Variants in ERICH3 observed in about 807,000 individuals in gnomAD.
ERICH3 encodes glutamate-rich protein 3.
In ERICH3, 126 loss-of-function variants were observed where a neutral mutation model predicts 131.1. The ratio of observed to expected loss-of-function variants is 0.96; its 90% CI spans 0.83 to 1.11. The LOEUF is 1.11. Ranked by LOEUF, ERICH3 falls within the 50% of genes most tolerant of loss-of-function variation. The pLI is 0.00. For missense variants in ERICH3, 2,050 were observed against 1,810.7 expected, an observed-to-expected ratio of 1.13 and a Z score of -2.40; for synonymous variants, 695 against 644.6, an observed-to-expected ratio of 1.08 and a Z score of -1.18.
chr1:74,632,303 T>C (rs926065239), intron 6 of ERICH3, among the ~76,000 whole-genome samples: 9 of 152,088 alleles, frequency 5.9e-5, no homozygotes, highest in African/African-American at 2.2e-4. Flanking sequence ...TTTTTTCATA[T>C]TCTTATTTCA....
chr1:74,665,954 A>C (rs1323309645), intron 1 of ERICH3, among the ~76,000 whole-genome samples: 1 of 152,174 alleles, frequency 6.6e-6, no homozygotes, highest in African/African-American at 2.4e-5. Flanking sequence ...ATTTAGACAG[A>C]AGAAATAAGG....
chr1:74,601,630 T>C (rs1409242059), intron 10 of ERICH3, among the ~76,000 whole-genome samples: 1 of 151,696 alleles, frequency 6.6e-6, no homozygotes, highest in Non-Finnish European at 1.5e-5. Context: ...AAGAGGAAGG[T>C]AAGGTTAGCT....
In ERICH3 at chr1:74,606,840, CTCT is replaced by C; in HGVS notation, c.1247_1249del (p.Lys416del). ...CTTCAGTTCCTCTCCTTTCTCAGTG[CTCT>C]TTTCTTTCCTAGATTTCGGCAAAGA... On this transcript the variant is annotated inframe_deletion, in exon 10 of 15. Transcript: ENST00000326665. The C allele has an allele frequency of 1.9e-6, 3 of 1,612,958 alleles. No individual in the cohort carries two copies. The highest frequency in any genetic ancestry group is 2.5e-6 in the Non-Finnish European group (3 of 1,179,386).
At chr1:74,667,472 G>A (rs1306745867) in intron 1 of ERICH3, among the ~76,000 whole-genome samples, 1 of 152,132 alleles carries the variant, frequency 6.6e-6, no homozygotes, top group East Asian at 1.9e-4. Flanking sequence ...CTCTTGGTCT[G>A]TACCAAAATG....
At chr1:74,580,932 G>A (rs544106367) in intron 12 of ERICH3, among the ~76,000 whole-genome samples, 6 of 152,124 alleles carry the variant, frequency 3.9e-5, no homozygotes, top group South Asian at 4.2e-4. Context: ...CACTTTCCCC[G>A]CCTGGTAGTC....
intron 12 of ERICH3, among the ~76,000 whole-genome samples, chr1:74,579,020 G>GT (rs1227683949): frequency 6.6e-6 from 1 of 152,006 alleles, no homozygotes; most frequent in Non-Finnish European, 1.5e-5. Flanking sequence ...TATAACAAAA[G>GT]TTTTTTACAA....
At chr1:74,643,909 A>G (rs1646458173) in intron 3 of ERICH3, among the ~76,000 whole-genome samples, 1 of 152,128 alleles carries the variant, frequency 6.6e-6, no homozygotes, top group South Asian at 2.1e-4. Context: ...ATGAATAGAA[A>G]AGAGACTAGA....
rs1263126742 is a variant in ERICH3 at position 74,571,120 on chromosome 1, G to T, written c.4590C>A (p.Val1530=). The T allele has an allele frequency of 6.2e-7, 1 of 1,612,676 alleles. No individual in the cohort carries two copies. Among genetic ancestry groups the T allele is most frequent in the East Asian group, 2.2e-5 (1 of 44,850 alleles). ...TCACTGTCTGCCAGCAAGTCTCCTAGACCTGCACGTTGTTGGGGGAAACAT... is the reference window on the plus strand; with the variant it reads ...TCACTGTCTGCCAGCAAGTCTCCTATACCTGCACGTTGTTGGGGGAAACAT... The part of the protein sequence containing the change: ...TADVSPNNVQ[V] The change falls in exon 14 of 15, where the codon GTC becomes GTA. Residue 1530 remains valine, a synonymous_variant. Transcript: ENST00000326665.
At chr1:74,615,182 C>T (rs1489033558) in intron 8 of ERICH3, 1 of 152,082 alleles carries the variant, frequency 6.6e-6, no homozygotes, top group African/African-American at 2.4e-5. Flanking sequence ...TCCTTTGTTA[C>T]TTATTTTTGT....
Position 74,673,591 on chromosome 1 carries a change from G to A in ERICH3, c.-72C>T, listed in dbSNP as rs1034178700. On this transcript the variant is annotated 5_prime_UTR_variant, in exon 1 of 15. Coordinates refer to ENST00000326665, the MANE Select transcript of ERICH3 (RefSeq NM_001002912.5). ...TGCGTGGGGCCCCGTGCGCGCTGGC[G>A]CTGCGACAGTCGCGCTCGAGGGGTG... is the stretch of plus-strand genomic sequence containing the variant. 2.6e-6 allele frequency: 4 copies of A among 1,552,022 alleles called. No individual in the cohort carries two copies. In the African/African-American group the frequency reaches 5.6e-5, roughly 22 times the overall value.
At chr1:74,663,340 CACA>C (rs1394010807) in intron 1 of ERICH3, among the ~76,000 whole-genome samples, 1 of 152,098 alleles carries the variant, frequency 6.6e-6, no homozygotes, top group East Asian at 1.9e-4. Flanking sequence ...CTTAGGGTCA[CACA>C]ACAACTATCT....
intron 1 of ERICH3, among the ~76,000 whole-genome samples, chr1:74,670,845 G>C (rs1340126519): frequency 1.3e-5 from 2 of 152,136 alleles, no homozygotes; most frequent in Non-Finnish European, 2.9e-5. Context: ...GTAGGAGAGA[G>C]ATTGCTAAAT....
chr1:74,673,399 C>A, intron 1 of ERICH3, 98 bp downstream of exon 1: 3 of 1,476,474 alleles, frequency 2.0e-6, no homozygotes, highest in East Asian at 2.4e-5. Flanking sequence ...CCCTCGCTCC[C>A]CTCTCGCCCC....
chr1:74,646,263 T>C (rs1646482255), intron 3 of ERICH3, among the ~76,000 whole-genome samples: 2 of 152,186 alleles, frequency 1.3e-5, no homozygotes, highest in South Asian at 4.1e-4. Context: ...GAATTACTGA[T>C]ATTTAAACAG....
chr1:74,655,288 T>C (rs187878545), intron 1 of ERICH3, among the ~76,000 whole-genome samples: 1 of 152,314 alleles, frequency 6.6e-6, no homozygotes, highest in East Asian at 1.9e-4. Flanking sequence ...TATAACAAAT[T>C]ACCACATACT....
chr1:74,660,026 A>G (rs1308746865), intron 1 of ERICH3, among the ~76,000 whole-genome samples: 1 of 152,122 alleles, frequency 6.6e-6, no homozygotes, highest in East Asian at 1.9e-4. Context: ...CTTAAACCCC[A>G]TGTGTCAAGG....
At chr1:74,653,454 G>A (rs1646556419) in intron 1 of ERICH3, among the ~76,000 whole-genome samples, 1 of 151,914 alleles carries the variant, frequency 6.6e-6, no homozygotes, top group South Asian at 2.1e-4. Flanking sequence ...AAGAGAGAGA[G>A]AGGAGAAAGA....
chr1:74,663,968 C>T lies in ERICH3; in HGVS notation c.23+9529G>A, dbSNP rs886860603. On this transcript the variant is annotated intron_variant, in intron 1 of 14. Transcript: ENST00000326665. Reference sequence around the variant, plus strand: ...CATAGTCCTGGGATACAATGAGAACCCAAAGATGTAGACAGGTATGGTCTC... The same window carrying T: ...CATAGTCCTGGGATACAATGAGAACTCAAAGATGTAGACAGGTATGGTCTC... Among the ~76,000 whole-genome samples the T allele has an allele frequency of 5.3e-5, 8 of 152,076 alleles. 1 individual carries two copies. Among genetic ancestry groups the T allele is most frequent in the Admixed American group, 6.6e-5 (1 of 15,264 alleles).
intron 10 of ERICH3, among the ~76,000 whole-genome samples, chr1:74,603,564 C>A (rs1057447197): frequency 2.6e-5 from 4 of 151,612 alleles, no homozygotes; most frequent in African/African-American, 9.7e-5. Flanking sequence ...ACAAGCATAC[C>A]TAGATCTGTG....
Sources: allele counts gnomAD v4.1 joint callset (sites outside exome capture counted in the v4.1 genomes callset), GRCh38; gene constraint gnomAD v4.1.1; transcripts MANE v1.5; gene names NCBI Gene and HGNC (gene_info 2026-07-23, HGNC 2026-07-21).